The following DLGAP2 variants were observed in gnomAD, a reference collection of about 807,000 sequenced individuals.
DLGAP2 encodes DLG associated protein 2, also known as disks large-associated protein 2.
Under a neutral mutation model 100.3 loss-of-function variants are expected in DLGAP2, and 26 were observed. That is an observed-to-expected ratio of 0.26 (90% CI 0.19 to 0.36). The LOEUF (loss-of-function observed/expected upper bound fraction) is 0.36. Ranked by LOEUF, DLGAP2 falls within the 10% of genes least tolerant of loss-of-function variation. The pLI, the probability that DLGAP2 is intolerant of heterozygous loss-of-function variation, is 1.00. For missense variants in DLGAP2, 1,858 were observed against 1,453.2 expected (o/e 1.28, Z -4.53); for synonymous variants, 886 against 630.1 (o/e 1.41, Z -6.08).
Position 1,670,926 on chromosome 8 carries a change from G to A in DLGAP2, c.2202+1142G>A, listed in dbSNP as rs1369858812. ...TTCTTTCAGGGAGGCGTCAGGAGGG[G>A]AGCTGCAGACGGCAGCCTTGCCAGG... On this transcript the variant is annotated intron_variant, in intron 10 of 14. Transcript: ENST00000637795. Among the ~76,000 whole-genome samples the A allele has an allele frequency of 1.3e-5, 2 of 152,212 alleles. 1 individual carries two copies. Among genetic ancestry groups the A allele is most frequent in the Admixed American group, 1.3e-4 (2 of 15,286 alleles).
At chr8:1,310,327 TAAA>T (rs1800585804) in intron 3 of DLGAP2, among the ~76,000 whole-genome samples, 1 of 152,206 alleles carries the variant, frequency 6.6e-6, no homozygotes, top group Non-Finnish European at 1.5e-5. Flanking sequence ...ACAATGATTT[TAAA>T]TATATATGTA....
chr8:1,614,444 C>T (rs1797083092), intron 6 of DLGAP2, among the ~76,000 whole-genome samples: 2 of 152,228 alleles, frequency 1.3e-5, no homozygotes, highest in Non-Finnish European at 2.9e-5. Flanking sequence ...ACCACAGACA[C>T]CCGGCGGACT....
At chr8:1,030,938 C>G (rs1030390035) in intron 2 of DLGAP2, among the ~76,000 whole-genome samples, 4 of 152,028 alleles carry the variant, frequency 2.6e-5, no homozygotes, top group Admixed American at 2.0e-4. Flanking sequence ...GGTGCCTGAC[C>G]CAGTGTCAGA....
intron 2 of DLGAP2, among the ~76,000 whole-genome samples, chr8:924,419 C>T (rs1041352445): frequency 6.6e-6 from 1 of 151,946 alleles, no homozygotes; most frequent in African/African-American, 2.4e-5. Flanking sequence ...TGGGGAGGGA[C>T]AATGTTGTGG....
intron 3 of DLGAP2, among the ~76,000 whole-genome samples, chr8:1,477,262 G>A (rs182600693): frequency 1.3e-4 from 20 of 152,292 alleles, no homozygotes; most frequent in African/African-American, 4.8e-4. Context: ...ATGACGGCTG[G>A]AAGGTACTGG....
At chr8:1,511,810 C>T (rs6997566) in intron 4 of DLGAP2, among the ~76,000 whole-genome samples, 65,771 of 151,252 alleles carry the variant, frequency 0.43, 15,024 homozygotes, top group South Asian at 0.66. Context: ...CTTCCATAGA[C>T]GTAAGGGCTG....
At chr8:1,348,119 G>T (rs1015867361) in intron 3 of DLGAP2, among the ~76,000 whole-genome samples, 1 of 151,714 alleles carries the variant, frequency 6.6e-6, no homozygotes, top group East Asian at 1.9e-4. Flanking sequence ...TTGCTCTCGT[G>T]TTAGCTGTGT....
chr8:850,769 A>G (rs193017146), intron 1 of DLGAP2, among the ~76,000 whole-genome samples: 1 of 152,198 alleles, frequency 6.6e-6, no homozygotes, highest in South Asian at 2.1e-4. Context: ...TCCTGAAAGT[A>G]TGCCACAGTG....
chr8:1,484,200 C>T (rs1352658524), intron 3 of DLGAP2, among the ~76,000 whole-genome samples: 1 of 152,238 alleles, frequency 6.6e-6, no homozygotes, highest in Non-Finnish European at 1.5e-5. Flanking sequence ...GCTCCATGAG[C>T]TTCTGAATGA....
intron 2 of DLGAP2, among the ~76,000 whole-genome samples, chr8:1,191,498 C>A (rs1241727114): frequency 6.6e-6 from 1 of 152,192 alleles, no homozygotes; most frequent in Non-Finnish European, 1.5e-5. Flanking sequence ...GAAAATTCTA[C>A]AATCCTGTCT....
chr8:772,195 C>T (rs1343962751), intron 1 of DLGAP2, among the ~76,000 whole-genome samples: 1 of 151,558 alleles, frequency 6.6e-6, no homozygotes, highest in African/African-American at 2.4e-5. Context: ...GCCACTGTGC[C>T]CAGCCTCATC....
chr8:1,629,979 C>G lies in DLGAP2; in HGVS notation c.1591-2848C>G, dbSNP rs1008792603. ...CAGTGAAAATAACATTTTCTCACAT[C>G]TTTGTCTATCTGAAAGGATTCATCA... On this transcript the variant is annotated intron_variant, in intron 7 of 14. Transcript: ENST00000637795. 1.8e-4 allele frequency among the ~76,000 whole-genome samples: 27 copies of G among 152,170 alleles called. 1 individual carries two copies. The highest frequency in any genetic ancestry group is 1.8e-3 in the Admixed American group (27 of 15,280).
chr8:1,339,542 G>A (rs116290278), intron 3 of DLGAP2, among the ~76,000 whole-genome samples: 47 of 152,356 alleles, frequency 3.1e-4, no homozygotes, highest in African/African-American at 9.9e-4. Context: ...ACAAGCTTCC[G>A]TGTCACGTAA....
intron 2 of DLGAP2, among the ~76,000 whole-genome samples, chr8:914,733 A>C (rs1798555729): frequency 1.3e-5 from 2 of 152,348 alleles, no homozygotes; most frequent in South Asian, 4.2e-4. Flanking sequence ...TGGAGACATA[A>C]AGAAGTTTAA....
intron 3 of DLGAP2, among the ~76,000 whole-genome samples, chr8:1,279,569 C>G (rs1014345622): frequency 1.3e-5 from 2 of 152,214 alleles, no homozygotes; most frequent in Non-Finnish European, 2.9e-5. Flanking sequence ...CAGTGGAAAA[C>G]AACACACATG....
chr8:924,856 G>A (rs1350842767), intron 2 of DLGAP2, among the ~76,000 whole-genome samples: 1 of 152,136 alleles, frequency 6.6e-6, no homozygotes, highest in South Asian at 2.1e-4. Flanking sequence ...AAAGTGCTGG[G>A]ATTGCCAGCA....
At chr8:1,163,963 C>G (rs1252202785) in intron 2 of DLGAP2, among the ~76,000 whole-genome samples, 7 of 152,214 alleles carry the variant, frequency 4.6e-5, no homozygotes, top group Non-Finnish European at 1.5e-5. Flanking sequence ...GCCTGCCAGG[C>G]CTCCTAGACG....
intron 1 of DLGAP2, among the ~76,000 whole-genome samples, chr8:831,207 CTTTTTT>C (rs59545503): frequency 1.6e-5 from 2 of 127,666 alleles, no homozygotes; most frequent in African/African-American, 2.9e-5. Context: ...CCAGCAGTCA[CTTTTTT>C]TTTTTTTTTT....
At chr8:793,303 C>T (rs896233080) in intron 1 of DLGAP2, among the ~76,000 whole-genome samples, 5 of 152,252 alleles carry the variant, frequency 3.3e-5, no homozygotes, top group South Asian at 2.1e-4. Flanking sequence ...CCTTTAAAAC[C>T]GCTGCCTTCT....
Sources: allele counts gnomAD v4.1 joint callset (sites outside exome capture counted in the v4.1 genomes callset), GRCh38; gene constraint gnomAD v4.1.1; transcripts MANE v1.5; gene names NCBI Gene and HGNC (gene_info 2026-07-23, HGNC 2026-07-21).